The following ZNF362 variants were observed in gnomAD, a reference collection of about 807,000 sequenced individuals.
The protein encoded by ZNF362 is rotund homolog.
In ZNF362, 11 loss-of-function variants were observed where a neutral mutation model predicts 42.9. The observed-to-expected ratio is 0.26, with a 90% CI of 0.16 to 0.42. The LOEUF (loss-of-function observed/expected upper bound fraction) is 0.42, where lower values mean the gene tolerates loss of function less well. Among genes scored for constraint, ZNF362 ranks in the 20% least tolerant of loss-of-function variants. ZNF362 has a pLI of 1.00. For synonymous variants in ZNF362, 255 were observed against 257.3 expected (o/e 0.99, Z 0.09); for missense variants, 362 against 576.2 (o/e 0.63, Z 3.81).
At chr1:33,201,488 T>C in the ZNF362 span, among the ~76,000 whole-genome samples, 1 of 152,186 alleles carries the variant, frequency 6.6e-6, no homozygotes, top group Admixed American at 6.5e-5. Context: ...AATGGAAAGA[T>C]CTCTGGAAAA....
chr1:33,232,379 C>T, the ZNF362 span, among the ~76,000 whole-genome samples: 1 of 152,150 alleles, frequency 6.6e-6, no homozygotes, highest in Non-Finnish European at 1.5e-5. Flanking sequence ...ATTCTCCTGC[C>T]TCAGCCACCC....
the ZNF362 span, among the ~76,000 whole-genome samples, chr1:33,151,861 G>A: frequency 2.0e-5 from 3 of 152,204 alleles, no homozygotes; most frequent in African/African-American, 4.8e-5. Context: ...AAGCCCTCCC[G>A]GGGCACAGCC....
chr1:33,160,964 G>C, the ZNF362 span, among the ~76,000 whole-genome samples: 1 of 152,232 alleles, frequency 6.6e-6, no homozygotes, highest in African/African-American at 2.4e-5. Context: ...CAGGAAGGGT[G>C]AAGTAGTGAA....
the ZNF362 span, chr1:33,181,211 G>T: frequency 6.3e-7 from 1 of 1,581,250 alleles, no homozygotes. The surrounding 1 kb of genome is among the most constrained non-coding windows in gnomAD (Gnocchi z 6.5). Context: ...AGGAGCTGTA[G>T]CGCTCCACGA....
chr1:33,194,572 G>A, the ZNF362 span, among the ~76,000 whole-genome samples: 134 of 148,460 alleles, frequency 9.0e-4, no homozygotes, highest in Non-Finnish European at 1.5e-3. Flanking sequence ...GTCTGAAGCC[G>A]CACACCTGGT....
Position 33,280,050 on chromosome 1 carries a change from A to G in ZNF362, c.350-74A>G. The G allele has an allele frequency of 6.7e-7, 1 of 1,489,618 alleles. No individual in the cohort carries two copies. Among genetic ancestry groups the G allele is most frequent in the Non-Finnish European group, 8.9e-7 (1 of 1,119,010 alleles). The allele number at this position is 1,489,618 out of a possible 1,614,324, so 92.3% of individuals were successfully genotyped here. On this transcript the variant is annotated intron_variant, in intron 4 of 8. Coordinates refer to ENST00000539719, the MANE Select transcript of ZNF362 (RefSeq NM_152493.3). This position sits in a 1 kb window ranked among gnomAD's most constrained non-coding sequence, Gnocchi z 5.6. The stretch of plus-strand genomic sequence containing the variant: ...AAGGGGATGCTCGCCTGCCAAAATC[A>G]CATAGCTGGGTGGGCAGCTGAGCTG...
intron 4 of ZNF362, among the ~76,000 whole-genome samples, chr1:33,279,406 C>T (rs931304824): frequency 6.6e-6 from 1 of 152,136 alleles, no homozygotes; most frequent in African/African-American, 2.4e-5. Context: ...TGTACACTCC[C>T]ACCACCAGTG....
the ZNF362 span, among the ~76,000 whole-genome samples, chr1:33,175,472 G>A: frequency 6.6e-6 from 1 of 152,224 alleles, no homozygotes; most frequent in Non-Finnish European, 1.5e-5. Context: ...ACTGGACTGA[G>A]TCGGGAGAGC....
the ZNF362 span, among the ~76,000 whole-genome samples, chr1:33,209,419 A>G: frequency 6.6e-6 from 1 of 152,240 alleles, no homozygotes; most frequent in South Asian, 2.1e-4. Context: ...CTTTGGTATC[A>G]GGATGATGCT....
chr1:33,166,746 C>T, the ZNF362 span, among the ~76,000 whole-genome samples: 2 of 152,120 alleles, frequency 1.3e-5, no homozygotes, highest in African/African-American at 4.8e-5. Context: ...AACAACAAAT[C>T]CACAACACAC....
the ZNF362 span, chr1:33,158,367 G>T: frequency 3.7e-5 from 59 of 1,613,192 alleles, 1 homozygote; most frequent in Non-Finnish European, 4.4e-5. Flanking sequence ...TTTCCCTTGA[G>T]CCTGGAAGGA....
the ZNF362 span, among the ~76,000 whole-genome samples, chr1:33,230,176 T>A: frequency 6.6e-6 from 1 of 152,202 alleles, no homozygotes; most frequent in Non-Finnish European, 1.5e-5. Flanking sequence ...CATTCCAATG[T>A]CTCAGTTTCC....
chr1:33,156,532 T>C, the ZNF362 span, among the ~76,000 whole-genome samples: 2 of 152,186 alleles, frequency 1.3e-5, no homozygotes, highest in South Asian at 4.1e-4. Context: ...CTCTGACTGC[T>C]CCTTCTCGGT....
chr1:33,202,642 C>T, the ZNF362 span, among the ~76,000 whole-genome samples: 1 of 151,188 alleles, frequency 6.6e-6, no homozygotes, highest in Non-Finnish European at 1.5e-5. Context: ...GATACTATGC[C>T]TCGGGAATGT....
At chr1:33,162,674 G>A in the ZNF362 span, among the ~76,000 whole-genome samples, 3 of 152,268 alleles carry the variant, frequency 2.0e-5, no homozygotes, top group Admixed American at 6.5e-5. Flanking sequence ...TCTCAAGGAC[G>A]AGAGAGGATG....
the ZNF362 span, among the ~76,000 whole-genome samples, chr1:33,224,626 C>G: frequency 6.6e-6 from 1 of 151,952 alleles, no homozygotes; most frequent in Non-Finnish European, 1.5e-5. Flanking sequence ...TGCAAGAGAT[C>G]TATAAGAGAT....
At chr1:33,131,788 ATTATAT>A in the ZNF362 span, among the ~76,000 whole-genome samples, 1 of 152,154 alleles carries the variant, frequency 6.6e-6, no homozygotes, top group African/African-American at 2.4e-5. Context: ...TATACCTCAC[ATTATAT>A]TTATGTTGGA....
At chr1:33,226,600 C>T in the ZNF362 span, among the ~76,000 whole-genome samples, 6 of 152,210 alleles carry the variant, frequency 3.9e-5, no homozygotes, top group South Asian at 4.1e-4. Context: ...CGCCATGGCT[C>T]ACGCCTGTAA....
At chr1:33,297,513 CTT>C (rs55931056) in intron 8 of ZNF362, among the ~76,000 whole-genome samples, 22 of 121,060 alleles carry the variant, frequency 1.8e-4, no homozygotes, top group African/African-American at 5.6e-4. Context: ...CATGATTCCT[CTT>C]TTTTTTTTTT....
Sources: gnomAD v4.1 joint callset for allele counts (sites outside exome capture counted in the v4.1 genomes callset) on GRCh38, gnomAD v4.1.1 for gene constraint, Gnocchi (gnomAD v3.1) non-coding constraint, MANE v1.5 for transcripts, NCBI Gene and HGNC (gene_info 2026-07-23, HGNC 2026-07-21) for gene names.